TRAF3IP1: variants seen among roughly 807,000 people sequenced by gnomAD.
TRAF3IP1 encodes intraflagellar transport 54, also known as TRAF3-interacting protein 1.
A neutral mutation model predicts 89.9 loss-of-function variants in TRAF3IP1; 53 were observed. That is an observed-to-expected ratio of 0.59 (90% CI 0.47 to 0.74). The LOEUF (loss-of-function observed/expected upper bound fraction) is 0.74, where lower values mean the gene tolerates loss of function less well. TRAF3IP1 is among the 30% of genes least tolerant of loss of function. The probability of loss-of-function intolerance (pLI) is 0.00; values close to 1 mark genes in which losing one functional copy is unlikely to be tolerated. For synonymous variants in TRAF3IP1, 311 were observed against 322.1 expected (o/e 0.97, Z 0.37); for missense variants, 806 against 866.1 (o/e 0.93, Z 0.87).
Position 238,397,468 on chromosome 2 carries a change from C to G in TRAF3IP1, c.1699C>G (p.Leu567Val). The part of the protein sequence containing the change: ...SPKPGEKERS[L>V]FESAWKKEKD... ...GTCTCCCTGACTGTAGGAGCGATCTCTCTTTGAGTCGGCATGGAAGAAGGA... is the reference window on the plus strand; with the variant it reads ...GTCTCCCTGACTGTAGGAGCGATCTGTCTTTGAGTCGGCATGGAAGAAGGA... Residue 567 changes from leucine to valine, a missense_variant, in exon 16 of 17, where the codon CTC becomes GTC. Leu to Val is a conservative substitution (Grantham distance 32). Transcript: ENST00000373327. 6.2e-7 allele frequency: 1 copy of G among 1,612,826 alleles called. No individual in the cohort carries two copies. The highest frequency in any genetic ancestry group is 8.5e-7 in the Non-Finnish European group (1 of 1,179,876).
chr2:238,373,821 T>G (rs1215901931), intron 15 of TRAF3IP1, among the ~76,000 whole-genome samples: 1 of 152,236 alleles, frequency 6.6e-6, no homozygotes, highest in Admixed American at 6.5e-5. Flanking sequence ...AGCAGTGGTT[T>G]GTAGTTCTCC....
At chr2:238,353,372 C>T (rs1699261099) in intron 14 of TRAF3IP1, among the ~76,000 whole-genome samples, 163 bp downstream of exon 14, 1 of 152,186 alleles carries the variant, frequency 6.6e-6, no homozygotes, top group Non-Finnish European at 1.5e-5. Flanking sequence ...ACCCTGCGGG[C>T]ATGGATTACT....
At chr2:238,362,067 G>A (rs919195797) in intron 15 of TRAF3IP1, among the ~76,000 whole-genome samples, 2 of 152,040 alleles carry the variant, frequency 1.3e-5, no homozygotes, top group African/African-American at 2.4e-5. Context: ...TGTGTCCTGC[G>A]ACAGCGTTTT....
At chr2:238,371,125 T>C (rs1011878109) in intron 15 of TRAF3IP1, among the ~76,000 whole-genome samples, 1 of 152,210 alleles carries the variant, frequency 6.6e-6, no homozygotes, top group Admixed American at 6.5e-5. Context: ...TAATGCGACA[T>C]TGAAAGTCTG....
At chr2:238,353,017 GCTT>G in intron 13 of TRAF3IP1, 67 bp downstream of exon 13, 1 of 1,546,528 alleles carries the variant, frequency 6.5e-7, no homozygotes, top group Non-Finnish European at 8.8e-7. Flanking sequence ...TAATAGTCTA[GCTT>G]TTAGATTTAT....
intron 15 of TRAF3IP1, among the ~76,000 whole-genome samples, chr2:238,363,321 T>C (rs1204750033): frequency 6.6e-6 from 1 of 152,198 alleles, no homozygotes; most frequent in Non-Finnish European, 1.5e-5. Context: ...CAGCTCCTTT[T>C]AAGCATGGTT....
At chr2:238,387,941 C>T (rs1241725146) in intron 15 of TRAF3IP1, among the ~76,000 whole-genome samples, 1 of 152,086 alleles carries the variant, frequency 6.6e-6, no homozygotes, top group African/African-American at 2.4e-5. Context: ...AAAAAATTAG[C>T]CAGGCATGGT....
chr2:238,384,834 A>G (rs935499775), intron 15 of TRAF3IP1, among the ~76,000 whole-genome samples: 10 of 152,152 alleles, frequency 6.6e-5, no homozygotes, highest in Admixed American at 1.3e-4. Context: ...TTATATAATC[A>G]AAAGTGAGAT....
intron 15 of TRAF3IP1, among the ~76,000 whole-genome samples, chr2:238,389,706 C>G (rs953352210): frequency 5.3e-5 from 8 of 151,052 alleles, no homozygotes; most frequent in Non-Finnish European, 8.8e-5. Flanking sequence ...TGAGATTGCA[C>G]CACTGTACTC....
rs145333845 is a variant in TRAF3IP1 at position 238,370,630 on chromosome 2, A to G, written c.1689+14550A>G. ...GCATTGCCCACTTCATGGCTTCAGG[A>G]CCAAATGGCTCAGGAGGGAAGATCA... On this transcript the variant is annotated intron_variant, in intron 15 of 16. Transcript: ENST00000373327. 1.0e-3 allele frequency among the ~76,000 whole-genome samples: 153 copies of G among 152,222 alleles called. 2 individuals carry two copies. The highest frequency in any genetic ancestry group is 3.5e-3 in the African/African-American group (144 of 41,522).
intron 1 of TRAF3IP1, among the ~76,000 whole-genome samples, chr2:238,323,697 A>G (rs1374260124): frequency 6.6e-6 from 1 of 152,252 alleles, no homozygotes; most frequent in Non-Finnish European, 1.5e-5. Context: ...GGCTATGAGC[A>G]TACCTGTCCT....
At chr2:238,381,808 T>C (rs1350935531) in intron 15 of TRAF3IP1, among the ~76,000 whole-genome samples, 2 of 152,182 alleles carry the variant, frequency 1.3e-5, no homozygotes, top group African/African-American at 4.8e-5. Flanking sequence ...GGTGGGATAC[T>C]TCTGTAAATA....
At chr2:238,320,916 G>T in intron 1 of TRAF3IP1, 131 bp downstream of exon 1, 1 of 789,424 alleles carries the variant, frequency 1.3e-6, no homozygotes. Context: ...GGCCGGGGCT[G>T]GGCCGGAGTC....
intron 8 of TRAF3IP1, among the ~76,000 whole-genome samples, chr2:238,340,848 GAGAGAGA>G (rs1698615023): frequency 2.4e-5 from 1 of 42,366 alleles, no homozygotes; most frequent in Non-Finnish European, 6.2e-5. Flanking sequence ...TATATATATA[GAGAGAGA>G]GAGACAGAGA....
chr2:238,381,916 T>G (rs905501553), intron 15 of TRAF3IP1, among the ~76,000 whole-genome samples: 4 of 151,466 alleles, frequency 2.6e-5, no homozygotes, highest in African/African-American at 4.9e-5. Context: ...GGCTGGCGGG[T>G]AGGAAGCCAC....
intron 15 of TRAF3IP1, among the ~76,000 whole-genome samples, chr2:238,361,472 G>GAA: frequency 6.6e-6 from 1 of 152,054 alleles, no homozygotes; most frequent in South Asian, 2.1e-4. Context: ...TATCCTGGTT[G>GAA]TAAAGGTAGT....
intron 15 of TRAF3IP1, among the ~76,000 whole-genome samples, chr2:238,386,916 A>G (rs1299998346): frequency 6.6e-6 from 1 of 152,212 alleles, no homozygotes; most frequent in Non-Finnish European, 1.5e-5. Flanking sequence ...CTAACATTTA[A>G]TGATATTTTG....
At chr2:238,323,397 C>T (rs1404972468) in intron 1 of TRAF3IP1, among the ~76,000 whole-genome samples, 1 of 152,164 alleles carries the variant, frequency 6.6e-6, no homozygotes, top group Non-Finnish European at 1.5e-5. Context: ...ACAATTTTAA[C>T]TGCCAGCATC....
rs1698851731 is a variant in TRAF3IP1 at position 238,345,534 on chromosome 2, G to A, written c.1261+936G>A. 6.6e-6 allele frequency among the ~76,000 whole-genome samples: 1 copy of A among 152,260 alleles called. No individual in the cohort carries two copies. Among genetic ancestry groups the A allele is most frequent in the Admixed American group, 6.5e-5 (1 of 15,286 alleles). ...GAGTTTAGCCTTTATTGGAAGAGCA[G>A]CGGGAGGCTAATTATATCTTTAGGA... On this transcript the variant is annotated intron_variant, in intron 9 of 16. Transcript: ENST00000373327. The surrounding 1 kb of genome is among the most constrained non-coding windows in gnomAD (Gnocchi z 4.7).
Sources: gnomAD v4.1 joint callset for allele counts (sites outside exome capture counted in the v4.1 genomes callset) on GRCh38, gnomAD v4.1.1 for gene constraint, Gnocchi (gnomAD v3.1) non-coding constraint, MANE v1.5 for transcripts, NCBI Gene and HGNC (gene_info 2026-07-23, HGNC 2026-07-21) for gene names.